Variants in UTRN observed in about 807,000 individuals in gnomAD.
UTRN encodes the protein dystrophin-related protein 1.
UTRN carries 283 observed loss-of-function variants against 463.9 expected under a neutral mutation model. The ratio of observed to expected loss-of-function variants is 0.61; its 90% confidence interval spans 0.55 to 0.67. The LOEUF is 0.67. Ranked by LOEUF, UTRN falls within the 30% of genes least tolerant of loss-of-function variation. The pLI, the probability that UTRN is intolerant of heterozygous loss-of-function variation, is 0.00. For missense variants in UTRN, 3,922 were observed against 4,084.3 expected (o/e 0.96, Z 1.08); for synonymous variants, 1,442 against 1,431.5 (o/e 1.01, Z -0.17).
At chr6:144,430,172 G>T (rs1785670345) in intron 9 of UTRN, among the ~76,000 whole-genome samples, 1 of 151,910 alleles carries the variant, frequency 6.6e-6, no homozygotes, top group South Asian at 2.1e-4. Context: ...TCTCACAAGG[G>T]CTATCAAAAT....
At chr6:144,544,720 C>T (rs1210583078) in intron 46 of UTRN, among the ~76,000 whole-genome samples, 3 of 151,748 alleles carry the variant, frequency 2.0e-5, no homozygotes, top group Non-Finnish European at 4.4e-5. Flanking sequence ...AAACCTTTTT[C>T]GTTTTCCCAC....
Position 144,836,426 on chromosome 6 carries a change from A to G in UTRN, c.9950A>G (p.Glu3317Gly). ...HTSEDSELIA[E>G]AKLLRQHKGR... is the part of the protein sequence containing the mutation. ...TCTGAGGATTCAGAACTTATAGCAG[A>G]AGCAAAACTCCTCAGGCAGCACAAA... The change falls in exon 71 of 75, where the codon GAA becomes GGA. Residue 3317 changes from glutamate (E) to glycine (G), a missense_variant. By Grantham distance (98) the Glu-to-Gly change is moderately conservative (BLOSUM62 -2). Around this residue, in one of 3 missense-constraint regions of UTRN, gnomAD observed 1,309 missense variants for 1,452.6 expected, o/e 0.90. Coordinates refer to ENST00000367545, the MANE Select transcript of UTRN (RefSeq NM_007124.3). 6.2e-7 allele frequency: 1 copy of G among 1,613,980 alleles called. No homozygotes were observed. Among genetic ancestry groups the G allele is most frequent in the South Asian group, 1.1e-5 (1 of 91,078 alleles).
Position 144,493,967 on chromosome 6 carries a change from C to T in UTRN, c.4593+511C>T, listed in dbSNP as rs375634668. Among the ~76,000 whole-genome samples the T allele has an allele frequency of 2.0e-5, 3 of 152,324 alleles. No homozygotes were observed. In the East Asian group the frequency reaches 5.8e-4, roughly 29 times the overall value. ...GCAGTGAGCTGAGATCACACCACTA[C>T]ACTCCAGCCTAGGAACAGAGTGAGA... On this transcript the variant is annotated intron_variant, in intron 33 of 74. Coordinates refer to ENST00000367545, the MANE Select transcript of UTRN (RefSeq NM_007124.3).
At chr6:144,328,459 A>G (rs1776116503) in intron 2 of UTRN, among the ~76,000 whole-genome samples, 1 of 151,918 alleles carries the variant, frequency 6.6e-6, no homozygotes, top group Non-Finnish European at 1.5e-5. Flanking sequence ...CTGTTAAGTA[A>G]CTCTTAAACT....
chr6:144,559,681 T>A (rs1799687040), intron 50 of UTRN, among the ~76,000 whole-genome samples: 1 of 152,062 alleles, frequency 6.6e-6, no homozygotes, highest in Non-Finnish European at 1.5e-5. Context: ...CATTATCGCT[T>A]CCCTAAGGAG....
chr6:144,698,480 G>T (rs928157903), intron 52 of UTRN, among the ~76,000 whole-genome samples: 3 of 152,250 alleles, frequency 2.0e-5, no homozygotes, highest in African/African-American at 7.2e-5. Flanking sequence ...ATGAAAGGCA[G>T]ACGTGTGCCT....
intron 49 of UTRN, among the ~76,000 whole-genome samples, chr6:144,555,329 G>A (rs115844741): frequency 7.3e-4 from 111 of 152,286 alleles, no homozygotes; most frequent in African/African-American, 2.5e-3. Context: ...AGCATGACTG[G>A]GAGGTACCAG....
intron 11 of UTRN, 129 bp from the exon 12 acceptor site, chr6:144,438,616 C>G: frequency 1.7e-6 from 2 of 1,176,326 alleles, no homozygotes; most frequent in Non-Finnish European, 2.4e-6. Context: ...TATTTAAAGA[C>G]TAAATGCTAC....
intron 58 of UTRN, among the ~76,000 whole-genome samples, chr6:144,763,046 G>A (rs1200978383): frequency 6.6e-6 from 1 of 152,120 alleles, no homozygotes; most frequent in Non-Finnish European, 1.5e-5. Context: ...TTTTCCCACT[G>A]GAGTCTGCAG....
At chr6:144,649,746 A>T (rs1778621711) in intron 51 of UTRN, among the ~76,000 whole-genome samples, 1 of 152,204 alleles carries the variant, frequency 6.6e-6, no homozygotes, top group African/African-American at 2.4e-5. Context: ...TAAGTGTTCT[A>T]AAAACTGTCA....
At chr6:144,393,512 G>A (rs4538732) in intron 2 of UTRN, among the ~76,000 whole-genome samples, 21,990 of 152,142 alleles carry the variant, frequency 0.14, 4,509 homozygotes, top group African/African-American at 0.46. Flanking sequence ...ATGGAAAAAG[G>A]CAATCCAGAA....
chr6:144,844,828 T>C (rs574014490), intron 73 of UTRN, among the ~76,000 whole-genome samples: 1 of 152,218 alleles, frequency 6.6e-6, no homozygotes, highest in Non-Finnish European at 1.5e-5. Context: ...CTGTAACTAA[T>C]GAGAACTTTA....
At chr6:144,756,056 G>A (rs1791955508) in intron 57 of UTRN, among the ~76,000 whole-genome samples, 4 of 151,756 alleles carry the variant, frequency 2.6e-5, no homozygotes, top group Admixed American at 2.0e-4. Flanking sequence ...TTTGGTATAC[G>A]CCTTCCTGGA....
At chr6:144,419,221 G>A (rs535886546) in intron 3 of UTRN, among the ~76,000 whole-genome samples, 5 of 152,306 alleles carry the variant, frequency 3.3e-5, no homozygotes, top group African/African-American at 1.2e-4. Context: ...CCCTTACCCG[G>A]CTTCCTGAAG....
At chr6:144,529,477 T>C (rs1029090230) in intron 41 of UTRN, among the ~76,000 whole-genome samples, 3 of 152,226 alleles carry the variant, frequency 2.0e-5, no homozygotes, top group African/African-American at 4.8e-5. Context: ...CATTTTTTTT[T>C]CTCTCTGTCA....
chr6:144,594,792 G>T (rs946457972), intron 51 of UTRN, among the ~76,000 whole-genome samples: 3 of 151,948 alleles, frequency 2.0e-5, no homozygotes, highest in African/African-American at 4.8e-5. Flanking sequence ...TCTTCCCACC[G>T]CACTGCCCCA....
At chr6:144,767,845 A>C (rs560726434) in intron 58 of UTRN, among the ~76,000 whole-genome samples, 1 of 152,254 alleles carries the variant, frequency 6.6e-6, no homozygotes, top group South Asian at 2.1e-4. Context: ...GTTCTGTTAT[A>C]TGCCTTTATA....
intron 61 of UTRN, among the ~76,000 whole-genome samples, chr6:144,782,471 A>G (rs1775922594): frequency 6.6e-6 from 1 of 152,108 alleles, no homozygotes; most frequent in Non-Finnish European, 1.5e-5. Context: ...TCAAAATAAA[A>G]AATCTTCTGT....
intron 17 of UTRN, among the ~76,000 whole-genome samples, chr6:144,450,785 A>G (rs1166837936): frequency 3.3e-5 from 5 of 152,222 alleles, no homozygotes; most frequent in African/African-American, 9.6e-5. Context: ...TAAAAATACA[A>G]GTGATTCCTT....
Sources: gnomAD v4.1 joint callset for allele counts (sites outside exome capture counted in the v4.1 genomes callset) on GRCh38, gnomAD v4.1.1 for gene constraint, gnomAD v4.1.1 regional missense constraint, MANE v1.5 for transcripts, NCBI Gene and HGNC (gene_info 2026-07-23, HGNC 2026-07-21) for gene names.